Variants in PTPRD observed in about 807,000 individuals in gnomAD.
PTPRD encodes protein tyrosine phosphatase receptor type D.
Under a neutral mutation model 214.5 loss-of-function variants are expected in PTPRD, and 34 were observed. The ratio of observed to expected loss-of-function variants is 0.16; its 90% CI spans 0.12 to 0.21. The LOEUF (loss-of-function observed/expected upper bound fraction) is 0.21, where lower values mean the gene tolerates loss of function less well. PTPRD is among the 10% of genes least tolerant of loss of function. The probability of loss-of-function intolerance (pLI) is 1.00; values close to 1 mark genes in which losing one functional copy is unlikely to be tolerated. For synonymous variants in PTPRD, 1,128 were observed against 845.7 expected (o/e 1.33, Z -5.79); for missense variants, 2,545 against 2,398.7 (o/e 1.06, Z -1.27).
chr9:8,719,518 G>A (rs139294973), intron 12 of PTPRD, among the ~76,000 whole-genome samples: 1 of 152,334 alleles, frequency 6.6e-6, no homozygotes, highest in Non-Finnish European at 1.5e-5. Flanking sequence ...TGTCTGATGA[G>A]GAGTTGCAGG....
intron 14 of PTPRD, among the ~76,000 whole-genome samples, chr9:8,595,378 C>T (rs924221242): frequency 3.9e-5 from 6 of 151,938 alleles, no homozygotes; most frequent in Non-Finnish European, 8.8e-5. Flanking sequence ...AACCATATAC[C>T]TATGTTGAGA....
intron 11 of PTPRD, among the ~76,000 whole-genome samples, chr9:8,819,937 AG>A (rs1281547049): frequency 6.6e-6 from 1 of 152,148 alleles, no homozygotes; most frequent in Non-Finnish European, 1.5e-5. Flanking sequence ...GTATTATAAA[AG>A]TATGACATCC....
chr9:10,354,677 G>C (rs116567761), intron 2 of PTPRD, among the ~76,000 whole-genome samples: 573 of 152,288 alleles, frequency 3.8e-3, no homozygotes, highest in African/African-American at 0.013. Context: ...CATATTACTA[G>C]AAGGATTATA....
intron 10 of PTPRD, among the ~76,000 whole-genome samples, chr9:9,138,218 A>G (rs966376752): frequency 1.3e-5 from 2 of 152,160 alleles, no homozygotes; most frequent in African/African-American, 4.8e-5. Flanking sequence ...ATAAAAAGAA[A>G]TAGCAAAATC....
chr9:9,506,315 G>C (rs2096569347), intron 8 of PTPRD, among the ~76,000 whole-genome samples: 1 of 151,448 alleles, frequency 6.6e-6, no homozygotes. Flanking sequence ...AGAAGCAGTA[G>C]AGGACCTTTA....
At chr9:9,718,358 A>G (rs896919340) in intron 7 of PTPRD, among the ~76,000 whole-genome samples, 1 of 152,202 alleles carries the variant, frequency 6.6e-6, no homozygotes, top group African/African-American at 2.4e-5. Context: ...AAGCCCATCT[A>G]GAGTGGCCGC....
At chr9:8,363,065 GA>G (rs1335737417) in intron 39 of PTPRD, among the ~76,000 whole-genome samples, 2 of 152,134 alleles carry the variant, frequency 1.3e-5, no homozygotes, top group East Asian at 3.9e-4. Flanking sequence ...TAGGGTTTTT[GA>G]GCATGTGTAA....
At chr9:10,599,132 AT>A (rs2133277384) in intron 2 of PTPRD, among the ~76,000 whole-genome samples, 1 of 151,852 alleles carries the variant, frequency 6.6e-6, no homozygotes, top group South Asian at 2.1e-4. Flanking sequence ...AATTTAGTCC[AT>A]GATCCAAATC....
At chr9:8,437,911 T>C (rs1009766124) in intron 34 of PTPRD, among the ~76,000 whole-genome samples, 6 of 152,196 alleles carry the variant, frequency 3.9e-5, no homozygotes, top group Admixed American at 2.0e-4. Context: ...TTTCATATGA[T>C]TTGTCTTTTA....
chr9:8,584,845 C>T (rs542564707), intron 14 of PTPRD, among the ~76,000 whole-genome samples: 2 of 152,288 alleles, frequency 1.3e-5, no homozygotes, highest in Admixed American at 6.5e-5. Flanking sequence ...CTTACAATCA[C>T]GTTGGAAGCG....
intron 7 of PTPRD, among the ~76,000 whole-genome samples, chr9:9,690,451 T>C (rs1316442175): frequency 1.3e-5 from 2 of 151,954 alleles, no homozygotes; most frequent in Non-Finnish European, 2.9e-5. Flanking sequence ...ACTTTGTTGA[T>C]TGTTACCTTT....
intron 3 of PTPRD, among the ~76,000 whole-genome samples, chr9:10,243,100 A>G (rs934868932): frequency 1.3e-5 from 2 of 152,026 alleles, no homozygotes; most frequent in African/African-American, 4.8e-5. Context: ...TTTGCACTTT[A>G]TGGACAATTT....
intron 2 of PTPRD, among the ~76,000 whole-genome samples, chr9:10,486,121 A>G (rs2099131371): frequency 6.6e-6 from 1 of 151,444 alleles, no homozygotes; most frequent in Non-Finnish European, 1.5e-5. Flanking sequence ...ATTTTCTCCC[A>G]TTCTGTAGGT....
chr9:10,057,473 T>G (rs1008016879), intron 3 of PTPRD, among the ~76,000 whole-genome samples: 2 of 150,448 alleles, frequency 1.3e-5, no homozygotes, highest in African/African-American at 5.0e-5. Context: ...CACTCTTTCT[T>G]TCATAGACCT....
chr9:9,218,652 G>A (rs760191745), intron 9 of PTPRD, among the ~76,000 whole-genome samples: 1 of 152,026 alleles, frequency 6.6e-6, no homozygotes, highest in South Asian at 2.1e-4. Flanking sequence ...CTAAATCTGG[G>A]ACTGTAACAT....
intron 9 of PTPRD, among the ~76,000 whole-genome samples, chr9:9,275,184 T>C (rs1278305996): frequency 4.7e-5 from 1 of 21,462 alleles, no homozygotes; most frequent in African/African-American, 1.8e-4. Flanking sequence ...AATATATATG[T>C]TATATATATA....
intron 4 of PTPRD, among the ~76,000 whole-genome samples, chr9:9,990,191 T>C (rs530913073): frequency 1.7e-4 from 26 of 152,340 alleles, no homozygotes; most frequent in Non-Finnish European, 3.5e-4. Context: ...CAGGACAAGG[T>C]CCTGGGGCAA....
intron 3 of PTPRD, among the ~76,000 whole-genome samples, chr9:10,192,444 G>C (rs959702908): frequency 6.6e-5 from 4 of 60,460 alleles, no homozygotes; most frequent in Non-Finnish European, 1.1e-4. Context: ...TCACGATCCA[G>C]GAAAAAAAAA....
intron 8 of PTPRD, among the ~76,000 whole-genome samples, chr9:9,567,726 G>A (rs2085021751): frequency 6.6e-6 from 1 of 151,880 alleles, no homozygotes. Context: ...CCCCCTCCAT[G>A]CTTCTCTATG....
Sources: allele counts gnomAD v4.1 joint callset (sites outside exome capture counted in the v4.1 genomes callset), GRCh38; gene constraint gnomAD v4.1.1; transcripts MANE v1.5; gene names NCBI Gene and HGNC (gene_info 2026-07-23, HGNC 2026-07-21).